BCAR3: variants seen among roughly 807,000 people sequenced by gnomAD.
BCAR3 encodes the protein breast cancer anti-estrogen resistance protein 3.
A neutral mutation model predicts 80.1 loss-of-function variants in BCAR3; 37 were observed. That is an observed-to-expected ratio of 0.46 (90% confidence interval 0.36 to 0.61). The LOEUF (loss-of-function observed/expected upper bound fraction) is 0.61. Among genes scored for constraint, BCAR3 ranks in the 20% least tolerant of loss-of-function variants. The probability of loss-of-function intolerance (pLI) is 0.00; values close to 1 mark genes in which losing one functional copy is unlikely to be tolerated. For synonymous variants in BCAR3, 389 were observed against 418.9 expected, an observed-to-expected ratio of 0.93 and a Z score of 0.87; for missense variants, 978 against 1,068.2, an observed-to-expected ratio of 0.92 and a Z score of 1.18.
chr1:93,719,113 G>A (rs12067776), intron 2 of BCAR3, among the ~76,000 whole-genome samples: 33,962 of 151,648 alleles, frequency 0.22, 4,375 homozygotes, highest in East Asian at 0.58. Context: ...ATCTTTTTCC[G>A]CCTGTAAAAT....
intron 2 of BCAR3, among the ~76,000 whole-genome samples, chr1:93,822,747 CAG>C (rs1654273532): frequency 6.7e-6 from 1 of 148,332 alleles, no homozygotes; most frequent in Admixed American, 6.7e-5. Flanking sequence ...TGTCTTGCTA[CAG>C]AGTTTGATTT....
At chr1:93,801,119 C>A (rs1214568983) in intron 2 of BCAR3, among the ~76,000 whole-genome samples, 1 of 152,178 alleles carries the variant, frequency 6.6e-6, no homozygotes, top group Non-Finnish European at 1.5e-5. Context: ...CCTTTTGTTT[C>A]TATGCCCATT....
intron 3 of BCAR3, among the ~76,000 whole-genome samples, chr1:93,697,295 A>G (rs1288507965): frequency 6.6e-6 from 1 of 152,218 alleles, no homozygotes; most frequent in Non-Finnish European, 1.5e-5. Flanking sequence ...GGCTGTTCCT[A>G]TTTGTGTAAC....
At chr1:93,741,557 T>G (rs1651176057) in intron 2 of BCAR3, among the ~76,000 whole-genome samples, 1 of 152,172 alleles carries the variant, frequency 6.6e-6, no homozygotes, top group South Asian at 2.1e-4. Flanking sequence ...CTGGAAGCTA[T>G]TATTTTATTT....
chr1:93,693,151 G>A (rs1649256661), intron 3 of BCAR3, among the ~76,000 whole-genome samples: 1 of 152,184 alleles, frequency 6.6e-6, no homozygotes, highest in Non-Finnish European at 1.5e-5. Flanking sequence ...TGACCTGTGT[G>A]AGAGGCACTG....
chr1:93,767,198 T>A (rs988218365), intron 2 of BCAR3, among the ~76,000 whole-genome samples: 2 of 151,992 alleles, frequency 1.3e-5, no homozygotes, highest in African/African-American at 4.8e-5. Context: ...GGAACAAGAC[T>A]GGGAGAAAGC....
At chr1:93,771,270 GA>G (rs1436714244) in intron 2 of BCAR3, among the ~76,000 whole-genome samples, 1 of 152,132 alleles carries the variant, frequency 6.6e-6, no homozygotes, top group Non-Finnish European at 1.5e-5. Flanking sequence ...TCTAATTCCA[GA>G]GCCCATACCC....
At chr1:93,676,914 T>C (rs1648513497) in intron 1 of BCAR3, among the ~76,000 whole-genome samples, 1 of 152,226 alleles carries the variant, frequency 6.6e-6, no homozygotes, top group Non-Finnish European at 1.5e-5. Flanking sequence ...GTTTCCTCTC[T>C]GCTTCCCCAA....
intron 2 of BCAR3, among the ~76,000 whole-genome samples, chr1:93,765,478 T>C (rs777239495): frequency 1.3e-5 from 2 of 152,186 alleles, no homozygotes; most frequent in African/African-American, 4.8e-5. Flanking sequence ...GAGATATGAT[T>C]GACAGGTAGA....
chr1:93,843,582 A>G (rs1173956625), intron 2 of BCAR3, among the ~76,000 whole-genome samples: 1 of 152,094 alleles, frequency 6.6e-6, no homozygotes, highest in Non-Finnish European at 1.5e-5. Flanking sequence ...CTACTACCAC[A>G]GTTTTTGTTT....
chr1:93,840,565 A>C (rs760949210), intron 2 of BCAR3, among the ~76,000 whole-genome samples: 9 of 152,168 alleles, frequency 5.9e-5, no homozygotes, highest in Non-Finnish European at 1.2e-4. Flanking sequence ...TCATCCTACT[A>C]GTTTGTTGAG....
At chr1:93,653,942 C>A (rs1445969779) in intron 2 of BCAR3, among the ~76,000 whole-genome samples, 1 of 152,198 alleles carries the variant, frequency 6.6e-6, no homozygotes, top group African/African-American at 2.4e-5. Context: ...TCCCGCTGGA[C>A]ACCTGCAATA....
At chr1:93,760,581 A>G (rs1307270376) in intron 2 of BCAR3, among the ~76,000 whole-genome samples, 3 of 149,064 alleles carry the variant, frequency 2.0e-5, no homozygotes, top group Non-Finnish European at 4.5e-5. Context: ...TTTAGTTGCA[A>G]ATGGTAAAAA....
At chr1:93,683,908 C>G (rs1392366045), upstream of BCAR3, among the ~76,000 whole-genome samples, 1 of 152,142 alleles carries the variant, frequency 6.6e-6, no homozygotes, top group Non-Finnish European at 1.5e-5. Context: ...GTGCATGACT[C>G]TGCTTGTATG....
rs113146949 is a variant in BCAR3, at chr1:93,580,658, C to A, written c.1686+1643G>T. On this transcript the variant is annotated intron_variant, in intron 7 of 11. Coordinates refer to ENST00000260502, the MANE Select transcript of BCAR3 (RefSeq NM_003567.4). ...AAGTAATCTAGAGATGATTTAAAATCTACAGGAGGATTGCATAGGTTATAT... is the reference window on the plus strand; with the variant it reads ...AAGTAATCTAGAGATGATTTAAAATATACAGGAGGATTGCATAGGTTATAT... 2.8e-3 allele frequency among the ~76,000 whole-genome samples: 427 copies of A among 152,194 alleles called. 5 individuals are homozygous for A. The highest frequency in any genetic ancestry group is 9.4e-3 in the African/African-American group (391 of 41,516).
intron 2 of BCAR3, among the ~76,000 whole-genome samples, chr1:93,729,564 T>A (rs1397861269): frequency 6.6e-6 from 1 of 152,192 alleles, no homozygotes; most frequent in East Asian, 1.9e-4. Context: ...GAAGTTGAAC[T>A]GCAGTGCAGT....
At position 93,586,954 on chromosome 1, in the gene BCAR3, T is replaced by C. The variant is rs1307453889; in HGVS notation, c.929+2023A>G. 6.6e-6 allele frequency among the ~76,000 whole-genome samples: 1 copy of C among 152,158 alleles called. No homozygotes were observed. The highest frequency in any genetic ancestry group is 1.9e-4 in the East Asian group (1 of 5,184). On this transcript the variant is annotated intron_variant, in intron 5 of 11. Coordinates refer to ENST00000260502, the MANE Select transcript of BCAR3 (RefSeq NM_003567.4). The surrounding 1 kb of genome is among the most constrained non-coding windows in gnomAD (Gnocchi z 4.2). The stretch of plus-strand genomic sequence containing the variant: ...CACACCTGGTTAATTTTTGCATTTT[T>C]AGTAGAGATGGGGTTTTGCCATGTT...
At chr1:93,673,690 A>T (rs1405109536) in intron 2 of BCAR3, among the ~76,000 whole-genome samples, 2 of 152,264 alleles carry the variant, frequency 1.3e-5, no homozygotes, top group East Asian at 3.8e-4. Flanking sequence ...AAGCATTTAC[A>T]ACCATAAGGC....
At chr1:93,758,786 G>T (rs1220607213) in intron 2 of BCAR3, among the ~76,000 whole-genome samples, 1 of 152,194 alleles carries the variant, frequency 6.6e-6, no homozygotes, top group African/African-American at 2.4e-5. Context: ...GGGTATCACT[G>T]CCACCTATCT....
Sources: gnomAD v4.1 joint callset for allele counts (sites outside exome capture counted in the v4.1 genomes callset) on GRCh38, gnomAD v4.1.1 for gene constraint, Gnocchi (gnomAD v3.1) non-coding constraint, MANE v1.5 for transcripts, NCBI Gene and HGNC (gene_info 2026-07-23, HGNC 2026-07-21) for gene names.